Variants in SNCAIP observed in about 807,000 individuals in gnomAD.
The protein encoded by SNCAIP is synphilin-1.
A neutral mutation model predicts 86.7 loss-of-function variants in SNCAIP; 43 were observed. That is an observed-to-expected ratio of 0.50 (90% CI 0.39 to 0.64). SNCAIP has a LOEUF of 0.64. Ranked by LOEUF, SNCAIP falls within the 30% of genes least tolerant of loss-of-function variation. The pLI is 0.00. For missense variants in SNCAIP, 981 were observed against 1,103.1 expected (o/e 0.89, Z 1.57); for synonymous variants, 417 against 427.2 (o/e 0.98, Z 0.29).
At chr5:122,345,625 G>A (rs763406844) in intron 1 of SNCAIP, among the ~76,000 whole-genome samples, 2 of 152,048 alleles carry the variant, frequency 1.3e-5, no homozygotes, top group Admixed American at 6.6e-5. Context: ...TCCGTTTATG[G>A]TATAATATGG....
At chr5:122,463,437 G>A (rs909774527) in intron 10 of SNCAIP, 54 bp from the exon 11 acceptor site, 1 of 1,047,856 alleles carries the variant, frequency 9.5e-7, no homozygotes, top group Non-Finnish European at 1.5e-6. Context: ...GTATTGTCTT[G>A]TAACTTGACC....
chr5:122,351,536 C>CAAAAAA (rs541191012), intron 1 of SNCAIP, among the ~76,000 whole-genome samples: 50 of 36,508 alleles, frequency 1.4e-3, no homozygotes, highest in African/African-American at 2.8e-3. Flanking sequence ...GACTCTGTAT[C>CAAAAAA]AAAAAAAAAA....
At position 122,464,081 on chromosome 5, in the gene SNCAIP, C is replaced by G. The variant is rs1202363600; in HGVS notation, c.*585C>G. ...CCTATAAGCTTGGGGCACCTACTTT[C>G]TAACAAATCTGTGATGTTCTGATTT... On this transcript the variant is annotated 3_prime_UTR_variant, in exon 11 of 11. Coordinates refer to ENST00000261368, the MANE Select transcript of SNCAIP (RefSeq NM_005460.4). The G allele has an allele frequency of 6.6e-6, 1 of 152,216 alleles. No homozygotes were observed. Among genetic ancestry groups the G allele is most frequent in the Non-Finnish European group, 1.5e-5 (1 of 68,058 alleles). 9.4% of individuals were successfully genotyped at this position (152,216 alleles called of 1,614,324 possible).
At chr5:122,360,339 T>C (rs372429373) in intron 1 of SNCAIP, among the ~76,000 whole-genome samples, 3 of 152,300 alleles carry the variant, frequency 2.0e-5, no homozygotes, top group African/African-American at 7.2e-5. Flanking sequence ...ATCTTCTGTC[T>C]TCCTGACTGG....
At chr5:122,328,219 G>A (rs1415832490) in intron 1 of SNCAIP, among the ~76,000 whole-genome samples, 3 of 152,104 alleles carry the variant, frequency 2.0e-5, no homozygotes, top group Admixed American at 6.5e-5. Flanking sequence ...CATAGATTAT[G>A]TCACTCATTC....
chr5:122,390,927 T>C (rs1462545867), intron 1 of SNCAIP, among the ~76,000 whole-genome samples, 162 bp from the exon 2 acceptor site: 1 of 152,206 alleles, frequency 6.6e-6, no homozygotes, highest in East Asian at 1.9e-4. Flanking sequence ...TTGCTGCTTC[T>C]GGAAAGCCAG....
intron 8 of SNCAIP, among the ~76,000 whole-genome samples, chr5:122,448,653 T>TGTATATATA: frequency 7.8e-6 from 1 of 127,814 alleles, no homozygotes; most frequent in Admixed American, 8.7e-5. Context: ...TATATATTTT[T>TGTATATATA]ATATATATTA....
In SNCAIP at chr5:122,449,015, C is replaced by CA. The variant is rs1218805948; in HGVS notation, c.1593-819dup. ...TGGGCAAAAGAGCAAGACTCCGACT[C>CA]AAAAAAAAAAATGAGGTTACAGATG... On this transcript the variant is annotated intron_variant, in intron 8 of 10. Coordinates refer to ENST00000261368, the MANE Select transcript of SNCAIP (RefSeq NM_005460.4). 1.8e-3 allele frequency among the ~76,000 whole-genome samples: 246 copies of CA among 140,506 alleles called. 2 individuals are homozygous for CA. Among genetic ancestry groups the CA allele is most frequent in the African/African-American group, 4.0e-3 (154 of 38,142 alleles). 92.2% of individuals were successfully genotyped at this position (140,506 alleles called of 152,430 possible). A position where few individuals can be genotyped will look rare whatever the true frequency, so the allele number is the denominator to read the frequency against.
chr5:122,424,046 T>A (rs1187943182), intron 4 of SNCAIP, among the ~76,000 whole-genome samples: 3 of 152,208 alleles, frequency 2.0e-5, no homozygotes, highest in Admixed American at 2.0e-4. Context: ...GTCTTTCTTT[T>A]TGCTTTTCAA....
intron 1 of SNCAIP, among the ~76,000 whole-genome samples, chr5:122,320,898 C>T (rs962405790): frequency 2.0e-5 from 3 of 152,152 alleles, no homozygotes; most frequent in Admixed American, 6.5e-5. Context: ...CAAATGAGTC[C>T]GGCAGGCAAG....
chr5:122,334,121 G>GAAATGA (rs1193735482), intron 1 of SNCAIP, among the ~76,000 whole-genome samples: 1 of 152,170 alleles, frequency 6.6e-6, no homozygotes, highest in East Asian at 1.9e-4. Context: ...GGAACTCAAA[G>GAAATGA]AAATGAAAAT....
intron 2 of SNCAIP, among the ~76,000 whole-genome samples, chr5:122,393,421 C>A (rs1379981932): frequency 6.6e-6 from 1 of 152,078 alleles, no homozygotes; most frequent in Non-Finnish European, 1.5e-5. Flanking sequence ...TGTAATTTGT[C>A]CAGGGTCACC....
chr5:122,387,316 G>T (rs1393144854), intron 1 of SNCAIP, among the ~76,000 whole-genome samples: 1 of 151,832 alleles, frequency 6.6e-6, no homozygotes, highest in Middle Eastern at 3.2e-3. Flanking sequence ...CCACCACCAC[G>T]CCCGGCTAAT....
In SNCAIP at chr5:122,450,767, G is replaced by T. The variant is rs1348797706; in HGVS notation, c.1920G>T (p.Leu640Phe). The T allele has an allele frequency of 6.2e-7, 1 of 1,613,944 alleles. No homozygotes were observed. Among genetic ancestry groups the T allele is most frequent in the Non-Finnish European group, 8.5e-7 (1 of 1,179,960 alleles). The change falls in exon 10 of 11, where the codon TTG becomes TTT. Residue 640 changes from leucine to phenylalanine, a missense_variant. By Grantham distance (22) the Leu-to-Phe change is conservative. Transcript: ENST00000261368. ...ENVCTQEKLS[L>F]EFQDAQASSR... ...TCTGCACCCAGGAAAAACTGTCCTT[G>T]GAATTCCAGGATGCTCAGGCTTCCT... is the stretch of plus-strand genomic sequence containing the variant.
At chr5:122,420,582 T>TATAG (rs2152920887) in intron 3 of SNCAIP, among the ~76,000 whole-genome samples, 1 of 150,366 alleles carries the variant, frequency 6.7e-6, no homozygotes, top group African/African-American at 2.5e-5. Context: ...TGAGTATATA[T>TATAG]ATATTTTTTT....
intron 6 of SNCAIP, among the ~76,000 whole-genome samples, chr5:122,435,545 C>A (rs561548257): frequency 6.6e-6 from 1 of 152,280 alleles, no homozygotes; most frequent in African/African-American, 2.4e-5. Flanking sequence ...GACTTTTAGT[C>A]ATGAGATTCT....
intron 1 of SNCAIP, chr5:122,371,353 T>G (rs1373829706): frequency 6.6e-6 from 1 of 152,032 alleles, no homozygotes; most frequent in Non-Finnish European, 1.5e-5. Flanking sequence ...GTGCCTTTAC[T>G]TACACACTGC....
At chr5:122,459,757 A>G (rs1202640849) in intron 10 of SNCAIP, among the ~76,000 whole-genome samples, 1 of 152,172 alleles carries the variant, frequency 6.6e-6, no homozygotes, top group East Asian at 1.9e-4. Flanking sequence ...ACCTTCTTTT[A>G]AGTGTTCTAT....
At position 122,357,060 on chromosome 5, in the gene SNCAIP, G is replaced by A. The variant is rs80069686; in HGVS notation, c.-46-34029G>A. Among the ~76,000 whole-genome samples the A allele has an allele frequency of 9.6e-3, 1,457 of 152,086 alleles. 36 individuals are homozygous for A. The highest frequency in any genetic ancestry group is 0.033 in the African/African-American group (1,380 of 41,480). ...TCTCTGACTGCCTCCTGATACTCTC[G>A]CAGTCTCCTGTCTGCTGGCCTTCCT... is the stretch of plus-strand genomic sequence containing the variant. On this transcript the variant is annotated intron_variant, in intron 1 of 10. Transcript: ENST00000261368.
Sources: allele counts gnomAD v4.1 joint callset (sites outside exome capture counted in the v4.1 genomes callset), GRCh38; gene constraint gnomAD v4.1.1; transcripts MANE v1.5; gene names NCBI Gene and HGNC (gene_info 2026-07-23, HGNC 2026-07-21).